The following INPP4A variants were observed in gnomAD, a reference collection of about 807,000 sequenced individuals.
INPP4A encodes inositol polyphosphate-4-phosphatase, type I, 107kD.
Under a neutral mutation model 119.8 loss-of-function variants are expected in INPP4A, and 33 were observed. The ratio of observed to expected loss-of-function variants is 0.28; its 90% CI spans 0.21 to 0.37. The LOEUF (loss-of-function observed/expected upper bound fraction) is 0.37. Among genes scored for constraint, INPP4A ranks in the 10% least tolerant of loss-of-function variants. INPP4A has a pLI of 1.00. For missense variants in INPP4A, 956 were observed against 1,289.9 expected, an observed-to-expected ratio of 0.74 and a Z score of 3.97; for synonymous variants, 496 against 500.7, an observed-to-expected ratio of 0.99 and a Z score of 0.12.
At chr2:98,482,318 C>T (rs1678642181) in intron 1 of INPP4A, among the ~76,000 whole-genome samples, 1 of 152,208 alleles carries the variant, frequency 6.6e-6, no homozygotes, top group African/African-American at 2.4e-5. Context: ...AGAGGGACAG[C>T]AGGTTAAATC....
chr2:98,508,064 C>G (rs1684422295), intron 1 of INPP4A, among the ~76,000 whole-genome samples: 2 of 152,256 alleles, frequency 1.3e-5, no homozygotes, highest in Non-Finnish European at 2.9e-5. Context: ...GTGGGCCGCC[C>G]ACTTTGCATT....
intron 4 of INPP4A, among the ~76,000 whole-genome samples, chr2:98,529,548 A>C (rs1688807816): frequency 6.6e-6 from 1 of 152,054 alleles, no homozygotes; most frequent in Non-Finnish European, 1.5e-5. Flanking sequence ...ATCCTGGCTA[A>C]ACGGTGAAAC....
intron 1 of INPP4A, among the ~76,000 whole-genome samples, chr2:98,446,192 A>C (rs959991902): frequency 6.6e-6 from 1 of 152,246 alleles, no homozygotes; most frequent in African/African-American, 2.4e-5. Context: ...TTTGGAATCT[A>C]GCTGCTGTTG....
chr2:98,497,965 CTTGCTTTTGAT>C (rs1366723473), intron 1 of INPP4A, among the ~76,000 whole-genome samples: 2 of 152,216 alleles, frequency 1.3e-5, no homozygotes, highest in Admixed American at 1.3e-4. Context: ...AAGTAACTAA[CTTGCTTTTGAT>C]TTTACAGGCT....
chr2:98,486,537 T>C (rs1679569847), intron 1 of INPP4A, among the ~76,000 whole-genome samples: 1 of 152,262 alleles, frequency 6.6e-6, no homozygotes, highest in Admixed American at 6.5e-5. Context: ...CAGGGGTTCC[T>C]GTTCTGGCAG....
Position 98,590,505 on chromosome 2 carries a change from A to AC in INPP4A, c.*2898dup, listed in dbSNP as rs1159999732. The AC allele has an allele frequency of 1.6e-5, 3 of 192,556 alleles. No individual in the cohort carries two copies. The highest frequency in any genetic ancestry group is 7.0e-5 in the African/African-American group (3 of 43,042). 11.9% of individuals were successfully genotyped at this position (192,556 alleles called of 1,614,324 possible). ...AACAACAGTACCTTCCTCATAAGGA[A>AC]CGTGCGACGCGCCTCAGAAGTACGT... is the stretch of plus-strand genomic sequence containing the variant. On this transcript the variant is annotated 3_prime_UTR_variant, in exon 25 of 25. Coordinates refer to ENST00000409851, the MANE Select transcript of INPP4A (RefSeq NM_001134225.2).
chr2:98,533,312 G>C, intron 4 of INPP4A, 65 bp from the exon 5 acceptor site: 1 of 990,768 alleles, frequency 1.0e-6, no homozygotes, highest in Non-Finnish European at 1.6e-6. Context: ...GAATGTGTTT[G>C]GAACAGAAAA....
chr2:98,565,543 C>T, intron 19 of INPP4A, 97 bp from the exon 20 acceptor site: 2 of 1,377,714 alleles, frequency 1.5e-6, no homozygotes, highest in Non-Finnish European at 9.7e-7. Context: ...TGCACCCCTC[C>T]TGTCACAGCC....
At chr2:98,565,851 T>G in intron 20 of INPP4A, 85 bp downstream of exon 20, 1 of 1,562,458 alleles carries the variant, frequency 6.4e-7, no homozygotes, top group Non-Finnish European at 8.7e-7. Flanking sequence ...CTGAATTTTT[T>G]ATCCTATTTC....
At position 98,569,242 on chromosome 2, in the gene INPP4A, C is replaced by CT. The variant is rs1283834143; in HGVS notation, c.2518+576dup. On this transcript the variant is annotated intron_variant, in intron 22 of 24. Transcript: ENST00000409851. This position sits in a 1 kb window ranked among gnomAD's most constrained non-coding sequence, Gnocchi z 5.1. ...ACAGCACTGTCTACGAGAATTCCCT[C>CT]TTGAGTTCAACCCAGTGAATATTCC... 1.3e-5 allele frequency: 2 copies of CT among 152,818 alleles called. No homozygotes were observed. Among genetic ancestry groups the CT allele is most frequent in the African/African-American group, 4.8e-5 (2 of 41,448 alleles). 9.5% of individuals were successfully genotyped at this position (152,818 alleles called of 1,614,324 possible).
At chr2:98,486,766 A>G (rs544939449) in intron 1 of INPP4A, among the ~76,000 whole-genome samples, 1 of 152,396 alleles carries the variant, frequency 6.6e-6, no homozygotes, top group South Asian at 2.1e-4. Flanking sequence ...TACTCCTCTC[A>G]TGGCCTCAGC....
chr2:98,486,556 C>T (rs1243633940), intron 1 of INPP4A, among the ~76,000 whole-genome samples: 1 of 152,232 alleles, frequency 6.6e-6, no homozygotes. Context: ...AGAAGTTCCT[C>T]AGTTGCCCAC....
At chr2:98,579,294 G>A (rs963550875) in intron 24 of INPP4A, among the ~76,000 whole-genome samples, 1 of 152,060 alleles carries the variant, frequency 6.6e-6, no homozygotes, top group Non-Finnish European at 1.5e-5. Context: ...CAGGTGATCC[G>A]CCCACCTTGG....
intron 1 of INPP4A, among the ~76,000 whole-genome samples, chr2:98,507,430 A>C (rs538303477): frequency 3.3e-5 from 5 of 152,228 alleles, no homozygotes; most frequent in Non-Finnish European, 7.3e-5. Context: ...TTAAAGTTTA[A>C]GAAACACGTG....
chr2:98,456,911 T>C (rs768228819), intron 1 of INPP4A, among the ~76,000 whole-genome samples: 2 of 152,242 alleles, frequency 1.3e-5, no homozygotes, highest in Non-Finnish European at 2.9e-5. Flanking sequence ...AAGCTAGATA[T>C]TAATATCTTT....
rs965243879 is a variant in INPP4A at position 98,538,937 on chromosome 2, G to T, written c.626G>T (p.Arg209Leu). ...DESLTEALGI[R>L]SKYASLRKDT... ...AGCTTGACGGAGGCGTTAGGAATCCGATCCAAATACGCTTCATTGCGAAAG... is the reference window on the plus strand; with the variant it reads ...AGCTTGACGGAGGCGTTAGGAATCCTATCCAAATACGCTTCATTGCGAAAG... Residue 209 changes from arginine to leucine, a missense_variant, in exon 9 of 25, where the codon CGA (arginine) becomes CTA (leucine). This residue lies in a region of INPP4A where 652 missense variants were observed against 797.9 expected (regional missense o/e 0.82). Coordinates refer to ENST00000409851, the MANE Select transcript of INPP4A (RefSeq NM_001134225.2). 1.2e-6 allele frequency: 2 copies of T among 1,611,810 alleles called. No individual in the cohort carries two copies. Among genetic ancestry groups the T allele is most frequent in the Non-Finnish European group, 1.7e-6 (2 of 1,178,524 alleles).
intron 23 of INPP4A, among the ~76,000 whole-genome samples, chr2:98,574,050 T>G (rs1386376721): frequency 6.6e-6 from 1 of 152,098 alleles, no homozygotes; most frequent in African/African-American, 2.4e-5. Context: ...AGAACACATT[T>G]TGAAGCACAA....
intron 1 of INPP4A, among the ~76,000 whole-genome samples, chr2:98,452,226 A>G (rs1196373039): frequency 6.6e-6 from 1 of 152,200 alleles, no homozygotes; most frequent in Non-Finnish European, 1.5e-5. Context: ...TCCCTGGACC[A>G]GCAACATGAG....
chr2:98,587,705 T>A lies in INPP4A; in HGVS notation c.*97T>A. ...CAAGAAGACCTGAAGGATTGGTTTTTATTTTTTGTGGTTTTTTTAAAAAAA... is the reference window on the plus strand; with the variant it reads ...CAAGAAGACCTGAAGGATTGGTTTTAATTTTTTGTGGTTTTTTTAAAAAAA... On this transcript the variant is annotated 3_prime_UTR_variant, in exon 25 of 25. Transcript: ENST00000409851. 9.6e-7 allele frequency: 1 copy of A among 1,036,794 alleles called. No individual in the cohort carries two copies. The highest frequency in any genetic ancestry group is 1.4e-6 in the Non-Finnish European group (1 of 724,112). The allele number at this position is 1,036,794 out of a possible 1,614,324, so 64.2% of individuals were successfully genotyped here.
Sources: allele counts gnomAD v4.1 joint callset (sites outside exome capture counted in the v4.1 genomes callset), GRCh38; gene constraint gnomAD v4.1.1; regional missense constraint gnomAD v4.1.1; non-coding constraint Gnocchi (gnomAD v3.1); transcripts MANE v1.5; gene names NCBI Gene and HGNC (gene_info 2026-07-23, HGNC 2026-07-21).